The following RHBDD3 variants were observed in gnomAD, a reference collection of about 807,000 sequenced individuals.
RHBDD3 encodes the protein rhomboid domain-containing protein 3.
In RHBDD3, 34 loss-of-function variants were observed where a neutral mutation model predicts 32.3. The observed-to-expected ratio is 1.05, with a 90% CI of 0.80 to 1.40. RHBDD3 has a LOEUF of 1.40. Ranked by LOEUF, RHBDD3 falls within the 40% of genes most tolerant of loss-of-function variation. The pLI is 0.00. For missense variants in RHBDD3, 482 were observed against 492.6 expected, an observed-to-expected ratio of 0.98 and a Z score of 0.20; for synonymous variants, 249 against 239.1, an observed-to-expected ratio of 1.04 and a Z score of -0.38.
intron 4 of RHBDD3, chr22:29,261,150 G>C (rs2058113068): frequency 6.8e-6 from 4 of 586,938 alleles, no homozygotes; most frequent in Non-Finnish European, 1.2e-5. Context: ...CACCTTTTCA[G>C]GTCTGTAACT....
Position 29,265,462 on chromosome 22 carries a change from A to T in RHBDD3, c.148+17T>A. The T allele has an allele frequency of 6.6e-7, 1 of 1,507,206 alleles. No homozygotes were observed. The highest frequency in any genetic ancestry group is 2.5e-5 in the East Asian group (1 of 39,372). The allele number at this position is 1,507,206 out of a possible 1,614,324, so 93.4% of individuals were successfully genotyped here. The stretch of plus-strand genomic sequence containing the variant: ...AAGTCTCCTGCTTCCTCCAAGGTCC[A>T]CGTGGCTGGCCCTCACCCTGCCAGG... On this transcript the variant is annotated intron_variant, in intron 3 of 6. Transcript: ENST00000216085.
chr22:29,262,767 C>T (rs764326855), intron 4 of RHBDD3, among the ~76,000 whole-genome samples: 9 of 152,182 alleles, frequency 5.9e-5, no homozygotes, highest in Non-Finnish European at 1.2e-4. Flanking sequence ...AGTGCAGCAG[C>T]GCTATCTTGG....
At chr22:29,261,429 CAAA>C in intron 4 of RHBDD3, 1 of 436,128 alleles carries the variant, frequency 2.3e-6, no homozygotes, top group South Asian at 1.6e-5. Flanking sequence ...CCCGTCTCTA[CAAA>C]AAATTTTTAA....
At chr22:29,263,417 G>A (rs2058142310) in intron 4 of RHBDD3, among the ~76,000 whole-genome samples, 1 of 152,150 alleles carries the variant, frequency 6.6e-6, no homozygotes, top group Non-Finnish European at 1.5e-5. Flanking sequence ...GACCTCAAGT[G>A]ATCTGCCCGC....
At chr22:29,263,551 A>G (rs2058143552) in intron 4 of RHBDD3, among the ~76,000 whole-genome samples, 1 of 152,102 alleles carries the variant, frequency 6.6e-6, no homozygotes, top group Non-Finnish European at 1.5e-5. Context: ...GTGGTTCCAT[A>G]TAAATTTTAG....
At position 29,260,194 on chromosome 22, in the gene RHBDD3, C is replaced by G. The variant is rs1162895325; in HGVS notation, c.1027G>C (p.Val343Leu). ...ERMGFPTEQAVVALAATGRVE... is the reference protein window; with the variant it reads ...ERMGFPTEQALVALAATGRVE... ...CGGCCTGTGGCTGCCAGTGCCACCA[C>G]CGCCTGCTCCGTAGGGAAGCCCATG... Residue 343 changes from valine to leucine, a missense_variant, in exon 7 of 7, where the codon GTG becomes CTG. By Grantham distance (32) the Val-to-Leu change is conservative. Coordinates refer to ENST00000216085, the MANE Select transcript of RHBDD3 (RefSeq NM_012265.3). The G allele has an allele frequency of 6.3e-7, 1 of 1,594,000 alleles. No homozygotes were observed. The highest frequency in any genetic ancestry group is 1.8e-5 in the Admixed American group (1 of 56,730).
chr22:29,264,614 G>A lies in RHBDD3; in HGVS notation c.149-396C>T. On this transcript the variant is annotated intron_variant, in intron 3 of 6. Transcript: ENST00000216085. Reference sequence around the variant, plus strand: ...CATTCCCTCAAGCTGTGTGACCCTGGTCAAATCACTTAACCTCTCTGAGCA... The same window carrying A: ...CATTCCCTCAAGCTGTGTGACCCTGATCAAATCACTTAACCTCTCTGAGCA... 7.1e-6 allele frequency: 5 copies of A among 700,448 alleles called. No homozygotes were observed. The South Asian group carries it at 2.6e-4, about 36-fold the overall frequency. The allele number at this position is 700,448 out of a possible 1,614,324, so 43.4% of individuals were successfully genotyped here.
rs1602087436 is a variant in RHBDD3 at position 29,260,243 on chromosome 22, G to C, written c.984-6C>G. 8.7e-6 allele frequency: 14 copies of C among 1,601,484 alleles called. No individual in the cohort carries two copies. Among genetic ancestry groups the C allele is most frequent in the Non-Finnish European group, 1.2e-5 (14 of 1,174,800 alleles). On this transcript the variant is annotated splice_polypyrimidine_tract_variant and splice_region_variant and intron_variant, in intron 6 of 6. Coordinates refer to ENST00000216085, the MANE Select transcript of RHBDD3 (RefSeq NM_012265.3). ...TGCGCTCCAGCTGCTGCAGCCTGTT[G>C]GGGGTGGGGGGAGAAGTGGGGAGTG... is the stretch of plus-strand genomic sequence containing the variant.
At position 29,265,511 on chromosome 22, in the gene RHBDD3, A is replaced by G; in HGVS notation, c.116T>C (p.Leu39Pro). The G allele has an allele frequency of 6.4e-7, 1 of 1,556,170 alleles. No individual in the cohort carries two copies. The highest frequency in any genetic ancestry group is 8.6e-7 in the Non-Finnish European group (1 of 1,158,502). ...GGGGTCCAGCAACAGCTCCGGGGCC[A>G]GGACCAGGCCGGGGCCGGCCCCCAC... ...WLVGAGPGLV[L>P]APELLLDPWQ... The change falls in exon 3 of 7, where the codon CTG (leucine) becomes CCG (proline). Residue 39 changes from leucine to proline, a missense_variant. Physicochemically the swap from Leu to Pro is moderately conservative, Grantham distance 98 (BLOSUM62 -3). Coordinates refer to ENST00000216085, the MANE Select transcript of RHBDD3 (RefSeq NM_012265.3).
At position 29,260,169 on chromosome 22, in the gene RHBDD3, C is replaced by G; in HGVS notation, c.1052G>C (p.Arg351Pro). 6.3e-7 allele frequency: 1 copy of G among 1,589,330 alleles called. No individual in the cohort carries two copies. Among genetic ancestry groups the G allele is most frequent in the Admixed American group, 1.8e-5 (1 of 56,300 alleles). Residue 351 changes from arginine to proline, a missense_variant, in exon 7 of 7, where the codon CGT (arginine) becomes CCT (proline). Arg to Pro is a moderately radical substitution (Grantham distance 103). Transcript: ENST00000216085. ...QAVVALAATG[R>P]VEGAVSLLVG... Reference sequence around the variant, plus strand: ...CAACAGTGACACGGCACCCTCCACACGGCCTGTGGCTGCCAGTGCCACCAC... The same window carrying G: ...CAACAGTGACACGGCACCCTCCACAGGGCCTGTGGCTGCCAGTGCCACCAC...
chr22:29,260,687 C>G lies in RHBDD3; in HGVS notation c.695+15G>C, dbSNP rs570024137. ...TGCCCACCACCTGGACTGGCATCCC[C>G]CCCATCACCCTCACCTCACTCCGGC... is the stretch of plus-strand genomic sequence containing the variant. On this transcript the variant is annotated intron_variant, in intron 5 of 6. Transcript: ENST00000216085. 2.0e-4 allele frequency: 319 copies of G among 1,556,950 alleles called. 3 individuals carry two copies. The South Asian group carries it at 3.7e-3, about 18-fold the overall frequency.
rs1213301909 is a variant in RHBDD3 at position 29,260,443 on chromosome 22, C to A, written c.866G>T (p.Trp289Leu). The A allele has an allele frequency of 5.0e-6, 8 of 1,611,002 alleles. No individual in the cohort carries two copies. The highest frequency in any genetic ancestry group is 6.8e-6 in the Non-Finnish European group (8 of 1,179,380). Residue 289 changes from tryptophan to leucine, a missense_variant, in exon 6 of 7, where the codon TGG becomes TTG. Trp to Leu is a moderately conservative substitution (Grantham distance 61). Coordinates refer to ENST00000216085, the MANE Select transcript of RHBDD3 (RefSeq NM_012265.3). The part of the protein sequence containing the change: ...GASFSPGTPM[W>L]AALDEQMLQE... Reference sequence around the variant, plus strand: ...CAGCATCTGCTCATCCAAGGCCGCCCACATCGGAGTCCCTGGGGAGAAGCT... The same window carrying A: ...CAGCATCTGCTCATCCAAGGCCGCCAACATCGGAGTCCCTGGGGAGAAGCT...
chr22:29,264,335 C>A, intron 3 of RHBDD3, 117 bp from the exon 4 acceptor site: 1 of 1,433,436 alleles, frequency 7.0e-7, no homozygotes, highest in Non-Finnish European at 9.2e-7. Flanking sequence ...CCCACCTCCC[C>A]TCCCCAGGAG....
chr22:29,261,429 CA>C (rs1213631038), intron 4 of RHBDD3: 2 of 436,008 alleles, frequency 4.6e-6, no homozygotes, highest in Non-Finnish European at 4.6e-6. Flanking sequence ...CCCGTCTCTA[CA>C]AAAAATTTTT....
intron 3 of RHBDD3, chr22:29,264,939 A>T (rs1431821517): frequency 6.6e-6 from 1 of 152,200 alleles, no homozygotes; most frequent in African/African-American, 2.4e-5. Context: ...CACTACGCCC[A>T]GCTAATCTTT....
chr22:29,261,422 G>A (rs982294114), intron 4 of RHBDD3: 11 of 441,658 alleles, frequency 2.5e-5, no homozygotes, highest in Non-Finnish European at 4.6e-5. Flanking sequence ...CATAGACCCC[G>A]TCTCTACAAA....
Position 29,263,883 on chromosome 22 carries a change from C to A in RHBDD3, c.484G>T (p.Glu162Ter), listed in dbSNP as rs1053339350. ...CAAAGGAGCTGCAGGAAGGGTGGCT[C>A]AGAGCTGAGCAGTGGGGTCAGGGCA... ...LLALTPLLSSEPPFLQLLCGL... is the reference protein window; with the variant it reads ...LLALTPLLSS Residue 162 changes from glutamate (E) to a stop codon, truncating the protein, a stop_gained, in exon 4 of 7, where the codon GAG (glutamate) becomes TAG (stop). Transcript: ENST00000216085. LOFTEE classifies it high-confidence loss of function. The A allele has an allele frequency of 6.5e-7, 1 of 1,547,720 alleles. No homozygotes were observed. Among genetic ancestry groups the A allele is most frequent in the African/African-American group, 1.4e-5 (1 of 73,204 alleles).
intron 2 of RHBDD3, 116 bp from the exon 3 acceptor site, chr22:29,265,784 C>T (rs957403703): frequency 1.9e-6 from 2 of 1,062,616 alleles, no homozygotes; most frequent in Non-Finnish European, 1.3e-6. Flanking sequence ...GCTGGAGACG[C>T]AGGCCCAGCA....
chr22:29,263,698 CAG>C (rs1287951199), intron 4 of RHBDD3, 135 bp downstream of exon 4: 5 of 1,396,068 alleles, frequency 3.6e-6, no homozygotes, highest in Non-Finnish European at 4.7e-6. Flanking sequence ...GAGGAAGACT[CAG>C]AGAAGCTCCT....
Sources: allele counts gnomAD v4.1 joint callset (sites outside exome capture counted in the v4.1 genomes callset), GRCh38; gene constraint gnomAD v4.1.1; transcripts MANE v1.5; gene names NCBI Gene and HGNC (gene_info 2026-07-23, HGNC 2026-07-21).